The following RPH3AL variants were observed in gnomAD, a reference collection of about 807,000 sequenced individuals.
RPH3AL encodes rab effector Noc2.
Under a neutral mutation model 43.1 loss-of-function variants are expected in RPH3AL, and 38 were observed. The ratio of observed to expected loss-of-function variants is 0.88; its 90% CI spans 0.68 to 1.15. RPH3AL has a LOEUF of 1.15. RPH3AL is among the 50% of genes most tolerant of loss of function. The pLI, the probability that RPH3AL is intolerant of heterozygous loss-of-function variation, is 0.00. For missense variants in RPH3AL, 462 were observed against 423.2 expected (o/e 1.09, Z -0.81); for synonymous variants, 189 against 176.3 (o/e 1.07, Z -0.57).
At chr17:314,357 C>A (rs9889512) in intron 5 of RPH3AL, among the ~76,000 whole-genome samples, 12,720 of 150,530 alleles carry the variant, frequency 0.085, 604 homozygotes, top group Non-Finnish European at 0.11. Flanking sequence ...TTCTCCCAGG[C>A]AGGAGTCACT....
intron 1 of RPH3AL, among the ~76,000 whole-genome samples, chr17:340,516 C>G (rs1233311780): frequency 0.052 from 96 of 1,856 alleles, 43 homozygotes; most frequent in South Asian, 0.11. Context: ...TCACTGCCCC[C>G]CACCCAGGCC....
rs1244338628 is a variant in RPH3AL, at chr17:333,030, T to A, written c.-37+729A>T. On this transcript the variant is annotated intron_variant, in intron 2 of 9. Coordinates refer to ENST00000331302, the MANE Select transcript of RPH3AL (RefSeq NM_006987.4). The surrounding 1 kb of genome is among the most constrained non-coding windows in gnomAD (Gnocchi z 4.5). ...GCCCCAGGCAACTTCCTGAGACAGA[T>A]CGGTAAAAACAACCCCTTCTTCCAG... 3.9e-6 allele frequency: 5 copies of A among 1,288,924 alleles called. No individual in the cohort carries two copies. Among genetic ancestry groups the A allele is most frequent in the Non-Finnish European group, 5.1e-6 (5 of 988,666 alleles). 79.8% of individuals were successfully genotyped at this position (1,288,924 alleles called of 1,614,324 possible). A position where few individuals can be genotyped will look rare whatever the true frequency, so the allele number is the denominator to read the frequency against.
rs535612773 is a variant in RPH3AL at position 274,761 on chromosome 17, G to C, written c.438+7007C>G. Among the ~76,000 whole-genome samples, 27 of 152,320 alleles carry C rather than the reference G, an allele frequency of 1.8e-4. No homozygotes were observed. The highest frequency in any genetic ancestry group is 6.5e-4 in the African/African-American group (27 of 41,562). On this transcript the variant is annotated intron_variant, in intron 6 of 9. Coordinates refer to ENST00000331302, the MANE Select transcript of RPH3AL (RefSeq NM_006987.4). The surrounding 1 kb of genome is among the most constrained non-coding windows in gnomAD (Gnocchi z 4.7). The stretch of plus-strand genomic sequence containing the variant: ...ATCCTGGGTCTGCGGGGCTTAGGCT[G>C]CTGCAGAAGCGGGGAGGGGAAAACC...
chr17:244,245 A>AC (rs142165001), intron 7 of RPH3AL, among the ~76,000 whole-genome samples: 17,789 of 65,248 alleles, frequency 0.27, 1,046 homozygotes, highest in Non-Finnish European at 0.28. Flanking sequence ...TCTATTGATT[A>AC]CCTTCCTCTA....
intron 7 of RPH3AL, among the ~76,000 whole-genome samples, chr17:227,071 G>T (rs909825859): frequency 5.9e-5 from 9 of 152,178 alleles, no homozygotes; most frequent in African/African-American, 1.4e-4. Flanking sequence ...AGGCAGGGGT[G>T]GGGGAGAAGC....
At chr17:244,850 T>C (rs1875156180) in intron 7 of RPH3AL, among the ~76,000 whole-genome samples, 1 of 152,198 alleles carries the variant, frequency 6.6e-6, no homozygotes, top group Non-Finnish European at 1.5e-5. Context: ...TGTGTGCGTG[T>C]GGGCAACCGT....
chr17:303,272 T>C (rs1465097427), intron 5 of RPH3AL, among the ~76,000 whole-genome samples: 1 of 151,842 alleles, frequency 6.6e-6, no homozygotes, highest in Non-Finnish European at 1.5e-5. Flanking sequence ...ACACCTGTAG[T>C]CCCAGCTGCC....
rs567787562 is a variant in RPH3AL at position 264,279 on chromosome 17, G to A, written c.439-16994C>T. Among the ~76,000 whole-genome samples, 169 of 151,176 alleles carry A rather than the reference G, an allele frequency of 1.1e-3. 4 individuals carry two copies. Among genetic ancestry groups the A allele is most frequent in the Non-Finnish European group, 2.1e-3 (145 of 67,888 alleles). On this transcript the variant is annotated intron_variant, in intron 6 of 9. Transcript: ENST00000331302. This position sits in a 1 kb window ranked among gnomAD's most constrained non-coding sequence, Gnocchi z 4.8. Reference sequence around the variant, plus strand: ...CAGCAGGATTACCCTTCGGAGCCGCGAGCGCTGGATGGGGACTCAGAATCC... The same window carrying A: ...CAGCAGGATTACCCTTCGGAGCCGCAAGCGCTGGATGGGGACTCAGAATCC...
chr17:250,294 CGTTG>C (rs2041867026), intron 6 of RPH3AL, among the ~76,000 whole-genome samples: 1 of 94,050 alleles, frequency 1.1e-5, no homozygotes, highest in African/African-American at 4.1e-5. Flanking sequence ...TACCAAGCTC[CGTTG>C]CTGCGGGACC....
intron 7 of RPH3AL, among the ~76,000 whole-genome samples, chr17:234,006 C>T (rs77862936): frequency 0.011 from 498 of 45,596 alleles, 12 homozygotes; most frequent in Middle Eastern, 0.021. Context: ...CCAACTTCCC[C>T]GAGCAGGGAG....
intron 1 of RPH3AL, among the ~76,000 whole-genome samples, chr17:334,502 A>G (rs1209890314): frequency 1.0e-3 from 112 of 107,818 alleles, no homozygotes; most frequent in African/African-American, 2.5e-3. Context: ...GAGGGACAGG[A>G]ACAAGGACAG....
At chr17:242,848 T>C (rs373107079) in intron 7 of RPH3AL, among the ~76,000 whole-genome samples, 2 of 129,526 alleles carry the variant, frequency 1.5e-5, no homozygotes, top group East Asian at 5.0e-4. Context: ...CTCTATTGAT[T>C]ACCTTCCTCT....
chr17:302,206 G>A (rs2151639334), intron 5 of RPH3AL, among the ~76,000 whole-genome samples: 1 of 152,366 alleles, frequency 6.6e-6, no homozygotes, highest in East Asian at 1.9e-4. Flanking sequence ...CTGCCTGGGA[G>A]GAAACCGCAG....
intron 5 of RPH3AL, among the ~76,000 whole-genome samples, chr17:284,398 T>A (rs2042856368): frequency 6.6e-6 from 1 of 152,124 alleles, no homozygotes; most frequent in Admixed American, 6.5e-5. Context: ...TGCGCACGGC[T>A]CTCTAGAGAG....
At chr17:229,477 CATCT>C (rs568075818) in intron 7 of RPH3AL, among the ~76,000 whole-genome samples, 65 of 152,260 alleles carry the variant, frequency 4.3e-4, no homozygotes, top group Non-Finnish European at 8.2e-4. Context: ...CCCCAGACCC[CATCT>C]GTCACCTCCA....
At chr17:223,415 G>A (rs1383188085) in intron 7 of RPH3AL, among the ~76,000 whole-genome samples, 1 of 152,152 alleles carries the variant, frequency 6.6e-6, no homozygotes, top group Non-Finnish European at 1.5e-5. Context: ...TTTTCCTTGG[G>A]GAATGCAAAA....
At position 245,558 on chromosome 17, in the gene RPH3AL, T is replaced by C. The variant is rs9892040; in HGVS notation, c.613+1553A>G. Among the ~76,000 whole-genome samples, 89,840 of 151,814 alleles carry C rather than the reference T, an allele frequency of 0.59. 26,879 individuals carry two copies. Among genetic ancestry groups the C allele is most frequent in the South Asian group, 0.75 (3,592 of 4,806 alleles). ...GGGGCATAGGCCACAGCTGCCCCCA[T>C]AGGCCTTCAGCCTCTCCGGCTCAAC... On this transcript the variant is annotated intron_variant, in intron 7 of 9. Coordinates refer to ENST00000331302, the MANE Select transcript of RPH3AL (RefSeq NM_006987.4). This position sits in a 1 kb window ranked among gnomAD's most constrained non-coding sequence, Gnocchi z 5.9.
intron 1 of RPH3AL, among the ~76,000 whole-genome samples, chr17:344,767 C>T (rs1641615446): frequency 7.4e-6 from 1 of 135,948 alleles, no homozygotes; most frequent in Non-Finnish European, 1.7e-5. Flanking sequence ...TCATCACAAT[C>T]ACTGTTACAT....
intron 7 of RPH3AL, among the ~76,000 whole-genome samples, chr17:243,903 C>A (rs1442596388): frequency 1.3e-5 from 2 of 149,738 alleles, no homozygotes; most frequent in Non-Finnish European, 3.0e-5. Context: ...TCCTCTATTA[C>A]CTTCCTCTAT....
Sources: allele counts gnomAD v4.1 joint callset (sites outside exome capture counted in the v4.1 genomes callset), GRCh38; gene constraint gnomAD v4.1.1; non-coding constraint Gnocchi (gnomAD v3.1); transcripts MANE v1.5; gene names NCBI Gene and HGNC (gene_info 2026-07-23, HGNC 2026-07-21).